The following EBF4 variants were observed in gnomAD, a reference collection of about 807,000 sequenced individuals.
EBF4 encodes EBF transcription factor 4.
EBF4 carries 34 observed loss-of-function variants against 67.1 expected under a neutral mutation model. The ratio of observed to expected loss-of-function variants is 0.51; its 90% CI spans 0.39 to 0.67. The LOEUF (loss-of-function observed/expected upper bound fraction) is 0.67, where lower values mean the gene tolerates loss of function less well. Among genes scored for constraint, EBF4 ranks in the 30% least tolerant of loss-of-function variants. The pLI, the probability that EBF4 is intolerant of heterozygous loss-of-function variation, is 0.00. For missense variants in EBF4, 837 were observed against 873.3 expected, an observed-to-expected ratio of 0.96 and a Z score of 0.52; for synonymous variants, 387 against 377.7, an observed-to-expected ratio of 1.02 and a Z score of -0.29.
Position 2,696,560 on chromosome 20 carries a change from T to C in EBF4, c.137+2778T>C, listed in dbSNP as rs1444059011. Among the ~76,000 whole-genome samples the C allele has an allele frequency of 6.6e-6, 1 of 152,140 alleles. No individual in the cohort carries two copies. Among genetic ancestry groups the C allele is most frequent in the African/African-American group, 2.4e-5 (1 of 41,426 alleles). On this transcript the variant is annotated intron_variant, in intron 1 of 16. Coordinates refer to ENST00000609451, the Ensembl canonical transcript of EBF4. The surrounding 1 kb of genome is among the most constrained non-coding windows in gnomAD (Gnocchi z 4.7). ...GCTTCCTCATGGATATCTCCAACAT[T>C]CAAGGCCTATCATGGTCTGACTCCA...
intron 6 of EBF4, among the ~76,000 whole-genome samples, chr20:2,736,899 AGACTG>A (rs1175639371): frequency 6.6e-6 from 1 of 152,230 alleles, no homozygotes; most frequent in Non-Finnish European, 1.5e-5. Flanking sequence ...GCTTAGGGCC[AGACTG>A]GCCTCCATGC....
intron 6 of EBF4, among the ~76,000 whole-genome samples, chr20:2,740,530 TA>T (rs1329823053): frequency 6.6e-6 from 1 of 152,144 alleles, no homozygotes; most frequent in Non-Finnish European, 1.5e-5. Flanking sequence ...CTCTTTGAGT[TA>T]CTGACAGCTT....
At chr20:2,726,128 T>C (rs1344242911) in intron 6 of EBF4, among the ~76,000 whole-genome samples, 1 of 152,248 alleles carries the variant, frequency 6.6e-6, no homozygotes, top group African/African-American at 2.4e-5. Context: ...TAATCCATCT[T>C]TCTTCCATCA....
intron 10 of EBF4, 52 bp downstream of exon 10, chr20:2,750,025 AC>A: frequency 6.7e-7 from 1 of 1,500,178 alleles, no homozygotes; most frequent in Non-Finnish European, 8.9e-7. Flanking sequence ...AGGGAGCCCC[AC>A]CCTGCGCACT....
chr20:2,734,886 T>A (rs1483010073), intron 6 of EBF4, among the ~76,000 whole-genome samples: 1 of 152,234 alleles, frequency 6.6e-6, no homozygotes, highest in Admixed American at 6.5e-5. Context: ...GGCCTTGGGA[T>A]AAACCAGAGG....
chr20:2,755,805 C>T lies in EBF4; in HGVS notation c.1719C>T (p.Ala573=). ...CCCCACCCCAGGCCTGCCCCAGAGC[C>T]CACGGAGAGGGGCTTCCAGGTGAGT... Residue 573 remains alanine (A), a synonymous_variant, in exon 15 of 17, where the codon GCC becomes GCT. Coordinates refer to ENST00000609451, the Ensembl canonical transcript of EBF4. This position sits in a 1 kb window ranked among gnomAD's most constrained non-coding sequence, Gnocchi z 4.7. The T allele has an allele frequency of 1.3e-6, 2 of 1,548,520 alleles. No homozygotes were observed. The highest frequency in any genetic ancestry group is 1.7e-6 in the Non-Finnish European group (2 of 1,146,866).
intron 1 of EBF4, among the ~76,000 whole-genome samples, chr20:2,704,927 A>C (rs917326170): frequency 6.6e-6 from 1 of 152,232 alleles, no homozygotes; most frequent in Non-Finnish European, 1.5e-5. Flanking sequence ...ATCCCTTAGC[A>C]AGGCCAGAAG....
chr20:2,705,043 C>T (rs2146381444), intron 1 of EBF4, among the ~76,000 whole-genome samples: 1 of 152,356 alleles, frequency 6.6e-6, no homozygotes, highest in Middle Eastern at 3.4e-3. Flanking sequence ...AGGGCCCAGG[C>T]CAGGCAGACT....
intron 6 of EBF4, among the ~76,000 whole-genome samples, chr20:2,721,589 G>A (rs907951498): frequency 2.0e-5 from 3 of 151,984 alleles, no homozygotes; most frequent in African/African-American, 4.8e-5. Flanking sequence ...CGAGTAACTG[G>A]GTTTACAGGC....
At chr20:2,752,153 C>A in exon 13 of EBF4, 1 of 1,448,002 alleles carries the variant, frequency 6.9e-7, no homozygotes. Flanking sequence ...GCACCCGGGC[C>A]GCTCGCACCC....
At chr20:2,697,502 G>A (rs923191533) in intron 1 of EBF4, among the ~76,000 whole-genome samples, 7 of 150,812 alleles carry the variant, frequency 4.6e-5, no homozygotes, top group Non-Finnish European at 7.4e-5. Context: ...CCGAGATCGC[G>A]CCACTGCACT....
intron 14 of EBF4, 44 bp downstream of exon 14, chr20:2,752,589 C>A: frequency 1.6e-6 from 2 of 1,218,102 alleles, no homozygotes; most frequent in African/African-American, 1.6e-5. Flanking sequence ...GGCCGGGGAG[C>A]GGAACGGGAC....
At chr20:2,723,675 G>C (rs545646067) in intron 6 of EBF4, among the ~76,000 whole-genome samples, 4 of 152,242 alleles carry the variant, frequency 2.6e-5, no homozygotes, top group African/African-American at 9.6e-5. Context: ...ATAGCACGTT[G>C]CTGGATTTTT....
chr20:2,693,723 C>T lies in EBF4; in HGVS notation c.78C>T (p.Gly26=), dbSNP rs534011674. The stretch of plus-strand genomic sequence containing the variant: ...AGCCGCTGCTGCCCGCCGGCCTGGG[C>T]TCAGTGCGCTCCTGGATGCAGGGCG... The change falls in exon 1 of 17, where the codon GGC becomes GGT. Residue 26 remains glycine, a synonymous_variant. Coordinates refer to ENST00000609451, the Ensembl canonical transcript of EBF4. The surrounding 1 kb of genome is among the most constrained non-coding windows in gnomAD (Gnocchi z 4.6). 330 of 1,396,064 alleles carry T rather than the reference C, an allele frequency of 2.4e-4. 2 individuals carry two copies. The African/African-American group carries it at 3.9e-3, about 16-fold the overall frequency. 86.5% of individuals were successfully genotyped at this position (1,396,064 alleles called of 1,614,324 possible).
At position 2,693,999 on chromosome 20, in the gene EBF4, C is replaced by A. The variant is rs905436977; in HGVS notation, c.137+217C>A. 6.6e-6 allele frequency among the ~76,000 whole-genome samples: 1 copy of A among 152,226 alleles called. No individual in the cohort carries two copies. Among genetic ancestry groups the A allele is most frequent in the Non-Finnish European group, 1.5e-5 (1 of 68,038 alleles). Reference sequence around the variant, plus strand: ...CTTCTGCCTCCACTCCGGGCTGCCCCGGTAGATTTCTGACGGCCGCTCGCG... The same window carrying A: ...CTTCTGCCTCCACTCCGGGCTGCCCAGGTAGATTTCTGACGGCCGCTCGCG... On this transcript the variant is annotated intron_variant, in intron 1 of 16. Transcript: ENST00000609451. The surrounding 1 kb of genome is among the most constrained non-coding windows in gnomAD (Gnocchi z 4.6).
intron 1 of EBF4, among the ~76,000 whole-genome samples, chr20:2,703,960 G>A (rs1346759105): frequency 6.6e-6 from 1 of 152,102 alleles, no homozygotes; most frequent in Non-Finnish European, 1.5e-5. Flanking sequence ...TCGGCAGGAG[G>A]CCTCAGTTAT....
Position 2,755,684 on chromosome 20 carries a change from C to A in EBF4, c.1598C>A (p.Ala533Asp). ...TCCTCCATGTCCCTCCCGGCCGCTG[C>A]CCCCACCACCAGCGTGTTCTCCTTC... Residue 533 changes from alanine to aspartate, a missense_variant, in exon 15 of 17, where the codon GCC becomes GAC. Transcript: ENST00000609451. The surrounding 1 kb of genome is among the most constrained non-coding windows in gnomAD (Gnocchi z 4.7). The A allele has an allele frequency of 1.3e-6, 2 of 1,548,838 alleles. No homozygotes were observed. The highest frequency in any genetic ancestry group is 1.7e-6 in the Non-Finnish European group (2 of 1,145,978).
At chr20:2,746,195 G>A (rs1168315954) in intron 6 of EBF4, among the ~76,000 whole-genome samples, 12 of 152,090 alleles carry the variant, frequency 7.9e-5, no homozygotes, top group Non-Finnish European at 7.4e-5. Flanking sequence ...GGAGTGATTA[G>A]TAACTAATAA....
At chr20:2,710,455 C>G (rs928932270) in intron 6 of EBF4, among the ~76,000 whole-genome samples, 2 of 151,968 alleles carry the variant, frequency 1.3e-5, no homozygotes, top group Non-Finnish European at 2.9e-5. Context: ...TGGCCTACTT[C>G]TTTTTGAAGA....
Sources: gnomAD v4.1 joint callset for allele counts (sites outside exome capture counted in the v4.1 genomes callset) on GRCh38, gnomAD v4.1.1 for gene constraint, Gnocchi (gnomAD v3.1) non-coding constraint, MANE v1.5 for transcripts, NCBI Gene and HGNC (gene_info 2026-07-23, HGNC 2026-07-21) for gene names.